The following CCDC28B variants were observed in gnomAD, a reference collection of about 807,000 sequenced individuals.
The protein encoded by CCDC28B is coiled-coil domain containing 28B.
A neutral mutation model predicts 18.7 loss-of-function variants in CCDC28B; 17 were observed. The ratio of observed to expected loss-of-function variants is 0.91; its 90% confidence interval spans 0.62 to 1.36. The LOEUF (loss-of-function observed/expected upper bound fraction) is 1.36. Ranked by LOEUF, CCDC28B falls within the 40% of genes most tolerant of loss-of-function variation. The probability of loss-of-function intolerance (pLI) is 0.00; values close to 1 mark genes in which losing one functional copy is unlikely to be tolerated. For missense variants in CCDC28B, 213 were observed against 251.7 expected, an observed-to-expected ratio of 0.85 and a Z score of 1.04; for synonymous variants, 116 against 105.1, an observed-to-expected ratio of 1.10 and a Z score of -0.64.
intron 1 of CCDC28B, 55 bp from the exon 2 acceptor site, chr1:32,201,858 G>A (rs1403150048): frequency 7.6e-6 from 11 of 1,447,532 alleles, no homozygotes; most frequent in Middle Eastern, 2.1e-4. Flanking sequence ...AGGGATTTCT[G>A]GGTGAAGGGC....
upstream of CCDC28B, chr1:32,197,531 G>C (rs1643050912): frequency 1.3e-5 from 2 of 152,320 alleles, no homozygotes; most frequent in South Asian, 2.1e-4. The surrounding 1 kb of genome is among the most constrained non-coding windows in gnomAD (Gnocchi z 4.6). Flanking sequence ...CAGCTGCTCT[G>C]CTTCTGCTTT....
At position 32,200,719 on chromosome 1, in the gene CCDC28B, C is replaced by G. The variant is rs1475848229; in HGVS notation, c.-24+10C>G. 1.3e-5 allele frequency: 2 copies of G among 152,128 alleles called. No individual in the cohort carries two copies. Among genetic ancestry groups the G allele is most frequent in the African/African-American group, 4.8e-5 (2 of 41,414 alleles). The allele number at this position is 152,128 out of a possible 1,614,324, so 9.4% of individuals were successfully genotyped here. ...GACCCCAAACCTCCAGGTCAGTAGC[C>G]CCCTGAGGGAGTGAGGGCGGGGGCG... On this transcript the variant is annotated intron_variant, in intron 1 of 5. Transcript: ENST00000373602.
upstream of CCDC28B, among the ~76,000 whole-genome samples, chr1:32,199,054 G>A (rs1283674139): frequency 6.6e-6 from 1 of 152,192 alleles, no homozygotes; most frequent in Admixed American, 6.5e-5. Flanking sequence ...CACATTCTCT[G>A]TTCAGTTTTT....
chr1:32,202,690 G>A (rs939401519), intron 2 of CCDC28B: 1 of 165,874 alleles, frequency 6.0e-6, no homozygotes, highest in East Asian at 1.8e-4. Context: ...GAGAGTAGCA[G>A]GAAAGGCAAC....
chr1:32,199,524 G>A (rs541244049), upstream of CCDC28B, among the ~76,000 whole-genome samples: 2 of 152,318 alleles, frequency 1.3e-5, no homozygotes, highest in East Asian at 3.9e-4. Flanking sequence ...CAGCTCCGGT[G>A]GGGAAGGAGA....
Position 32,204,279 on chromosome 1 carries a change from A to C in CCDC28B, c.425A>C (p.Glu142Ala). The C allele has an allele frequency of 6.2e-7, 1 of 1,613,840 alleles. No homozygotes were observed. The highest frequency in any genetic ancestry group is 1.1e-5 in the South Asian group (1 of 91,060). ...TTCAGCCTGGATGTGTGTGGGGAGG[A>C]GGAGGACGATGAAGAGGAAGAGGAT... ...LHFSLDVCGE[E>A]EDDEEEEDGV... Residue 142 changes from glutamate to alanine, a missense_variant, in exon 4 of 6, where the codon GAG (glutamate) becomes GCG (alanine). Glu to Ala is a moderately radical substitution (Grantham distance 107). Coordinates refer to ENST00000373602, the MANE Select transcript of CCDC28B (RefSeq NM_024296.5).
In CCDC28B at chr1:32,202,028, C is replaced by T; in HGVS notation, c.93C>T (p.Thr31=). The T allele has an allele frequency of 1.2e-6, 2 of 1,613,990 alleles. No homozygotes were observed. Among genetic ancestry groups the T allele is most frequent in the East Asian group, 2.2e-5 (1 of 44,888 alleles). The change falls in exon 2 of 6, where the codon ACC becomes ACT. Residue 31 remains threonine (T), a synonymous_variant. Coordinates refer to ENST00000373602, the MANE Select transcript of CCDC28B (RefSeq NM_024296.5). ...PGTLRRVPVP[T]SHSGSLALGL... is the part of the protein sequence containing the mutation. ...CACTACGGAGGGTCCCTGTGCCTAC[C>T]AGCCACAGCGGCTCCTTGGCCCTAG...
At chr1:32,199,365 G>T (rs1183839141), upstream of CCDC28B, among the ~76,000 whole-genome samples, 1 of 144,244 alleles carries the variant, frequency 6.9e-6, no homozygotes, top group Non-Finnish European at 1.5e-5. Context: ...CCTCTGGAGG[G>T]TGTGGGGGGG....
upstream of CCDC28B, among the ~76,000 whole-genome samples, chr1:32,198,686 C>T (rs1422404859): frequency 6.6e-6 from 1 of 152,178 alleles, no homozygotes; most frequent in Non-Finnish European, 1.5e-5. Flanking sequence ...CCTTCTGAAC[C>T]ACAGGGCAGG....
chr1:32,205,147 TGGGA>T lies in CCDC28B; in HGVS notation c.549-44_549-41del. The T allele has an allele frequency of 1.2e-6, 2 of 1,604,214 alleles. No homozygotes were observed. Among genetic ancestry groups the T allele is most frequent in the Non-Finnish European group, 1.7e-6 (2 of 1,174,190 alleles). On this transcript the variant is annotated intron_variant, in intron 5 of 5. Transcript: ENST00000373602. This position sits in a 1 kb window ranked among gnomAD's most constrained non-coding sequence, Gnocchi z 5.6. ...ACCTGTGCAAGATGGGAGACCGGGG[TGGGA>T]GGAAGGACTGGTCCAAAGCGCCACG...
upstream of CCDC28B, among the ~76,000 whole-genome samples, chr1:32,198,798 T>A (rs1411273654): frequency 6.6e-6 from 1 of 151,742 alleles, no homozygotes; most frequent in Non-Finnish European, 1.5e-5. Context: ...GGGTACCAGG[T>A]TAAGGAATGT....
At position 32,203,868 on chromosome 1, in the gene CCDC28B, A is replaced by C; in HGVS notation, c.165-11A>C. The C allele has an allele frequency of 6.7e-7, 1 of 1,498,598 alleles. No homozygotes were observed. The highest frequency in any genetic ancestry group is 1.4e-5 in the South Asian group (1 of 72,670). The allele number at this position is 1,498,598 out of a possible 1,614,324, so 92.8% of individuals were successfully genotyped here. A position where few individuals can be genotyped will look rare whatever the true frequency, so the allele number is the denominator to read the frequency against. ...CTACCCTGTGATCATGGTCATGTCC[A>C]CCCCACCCAGAGTAGGCAAAGAGAA... On this transcript the variant is annotated splice_polypyrimidine_tract_variant and intron_variant, in intron 2 of 5. Coordinates refer to ENST00000373602, the MANE Select transcript of CCDC28B (RefSeq NM_024296.5).
intron 1 of CCDC28B, among the ~76,000 whole-genome samples, chr1:32,200,999 T>C (rs1030276744): frequency 8.5e-5 from 13 of 152,102 alleles, no homozygotes; most frequent in African/African-American, 3.1e-4. Flanking sequence ...GCCAGCTATG[T>C]GTCAGTGTAA....
upstream of CCDC28B, among the ~76,000 whole-genome samples, chr1:32,200,025 T>G (rs1643113884): frequency 6.6e-6 from 1 of 152,098 alleles, no homozygotes; most frequent in South Asian, 2.1e-4. Flanking sequence ...ACCTGTCTCC[T>G]AGGCCTGGGG....
In CCDC28B at chr1:32,204,256, C is replaced by A; in HGVS notation, c.402C>A (p.Phe134Leu). The A allele has an allele frequency of 6.2e-7, 1 of 1,614,092 alleles. No homozygotes were observed. The highest frequency in any genetic ancestry group is 1.1e-5 in the South Asian group (1 of 91,076). ...AGGAGAAGCTAGCCCGGCTGCACTT[C>A]AGCCTGGATGTGTGTGGGGAGGAGG... Reference protein sequence around the residue: ...EMQEKLARLHFSLDVCGEEED... With the variant: ...EMQEKLARLHLSLDVCGEEED... Residue 134 changes from phenylalanine (F) to leucine (L), a missense_variant, in exon 4 of 6, where the codon TTC (phenylalanine) becomes TTA (leucine). Phe to Leu is a conservative substitution (Grantham distance 22). Transcript: ENST00000373602.
In CCDC28B at chr1:32,204,317, G is replaced by C; in HGVS notation, c.463G>C (p.Gly155Arg). The C allele has an allele frequency of 6.2e-7, 1 of 1,611,488 alleles. No individual in the cohort carries two copies. Among genetic ancestry groups the C allele is most frequent in the Non-Finnish European group, 8.5e-7 (1 of 1,178,706 alleles). Residue 155 changes from glycine to arginine, a missense_variant, in exon 4 of 6, where the codon GGG becomes CGG. Coordinates refer to ENST00000373602, the MANE Select transcript of CCDC28B (RefSeq NM_024296.5). ...AGAGGAAGAGGATGGGGTCACTGAG[G>C]GGCTGCCAGAGGAGCAGAAGAAGAC... ...DEEEEDGVTE[G>R]LPEEQKKTMA...
chr1:32,199,113 ATGC>A (rs376833728), upstream of CCDC28B, among the ~76,000 whole-genome samples: 10 of 152,204 alleles, frequency 6.6e-5, no homozygotes, highest in Non-Finnish European at 1.5e-5. Context: ...TATGGGAGAC[ATGC>A]TGCTGGTGGC....
chr1:32,202,344 T>C (rs1643165391), intron 2 of CCDC28B: 2 of 672,440 alleles, frequency 3.0e-6, no homozygotes, highest in South Asian at 1.5e-5. Context: ...AGTGAGCAAC[T>C]CTGCAAGAAA....
upstream of CCDC28B, chr1:32,197,712 GAA>G (rs1643054481): frequency 6.6e-6 from 1 of 152,278 alleles, no homozygotes; most frequent in African/African-American, 2.4e-5. This position sits in a 1 kb window ranked among gnomAD's most constrained non-coding sequence, Gnocchi z 4.6. Context: ...CACAGCAGGT[GAA>G]GCTCAAGAGC....
Sources: allele counts gnomAD v4.1 joint callset (sites outside exome capture counted in the v4.1 genomes callset), GRCh38; gene constraint gnomAD v4.1.1; non-coding constraint Gnocchi (gnomAD v3.1); transcripts MANE v1.5; gene names NCBI Gene and HGNC (gene_info 2026-07-23, HGNC 2026-07-21).